RNF182: variants seen among roughly 807,000 people sequenced by gnomAD.
The protein encoded by RNF182 is E3 ubiquitin-protein ligase RNF182.
RNF182 carries 15 observed loss-of-function variants against 14.4 expected under a neutral mutation model. The ratio of observed to expected loss-of-function variants is 1.04; its 90% CI spans 0.70 to 1.60. The LOEUF (loss-of-function observed/expected upper bound fraction) is 1.60. Ranked by LOEUF, RNF182 falls within the 40% of genes most tolerant of loss-of-function variation. The pLI is 0.00. For synonymous variants in RNF182, 128 were observed against 122.9 expected, an observed-to-expected ratio of 1.04 and a Z score of -0.27; for missense variants, 268 against 294.8, an observed-to-expected ratio of 0.91 and a Z score of 0.67.
chr6:13,925,120 C>A, intron 1 of RNF182, 97 bp downstream of exon 1: 1 of 70,048 alleles, frequency 1.4e-5, no homozygotes, highest in South Asian at 3.7e-4. Context: ...TGGACGGCGC[C>A]GGGCCGCCCA....
At chr6:13,937,759 A>G (rs377292669) in intron 1 of RNF182, among the ~76,000 whole-genome samples, 1 of 151,600 alleles carries the variant, frequency 6.6e-6, no homozygotes, top group African/African-American at 2.4e-5. Flanking sequence ...CCAGGTGGTT[A>G]TATCGGCGAC....
At chr6:13,933,999 C>G (rs749365759) in intron 1 of RNF182, among the ~76,000 whole-genome samples, 1 of 151,842 alleles carries the variant, frequency 6.6e-6, no homozygotes, top group Non-Finnish European at 1.5e-5. Flanking sequence ...GCCTGGGCAA[C>G]AGGGGAAGAC....
intron 1 of RNF182, among the ~76,000 whole-genome samples, chr6:13,960,654 A>AGT (rs1321841154): frequency 7.7e-6 from 1 of 130,714 alleles, no homozygotes; most frequent in African/African-American, 2.9e-5. Context: ...AGGGAGAGAG[A>AGT]GAGTGTGTGT....
At chr6:13,946,698 A>G (rs935424159) in intron 1 of RNF182, among the ~76,000 whole-genome samples, 1 of 152,112 alleles carries the variant, frequency 6.6e-6, no homozygotes, top group Non-Finnish European at 1.5e-5. Flanking sequence ...AGATGGAGTC[A>G]CTCTGGTTTG....
chr6:13,927,457 T>G (rs546834780), intron 1 of RNF182, among the ~76,000 whole-genome samples: 10 of 152,204 alleles, frequency 6.6e-5, no homozygotes, highest in Admixed American at 1.3e-4. Flanking sequence ...CTTACGGGTT[T>G]TAATTTTATG....
chr6:13,949,557 A>G, intron 1 of RNF182: 2 of 474,726 alleles, frequency 4.2e-6, no homozygotes, highest in Non-Finnish European at 7.7e-6. Flanking sequence ...AGTAAAACCC[A>G]GAGTGAACTC....
At chr6:13,925,130 A>G (rs1256958605) in intron 1 of RNF182, 107 bp downstream of exon 1, 2 of 75,668 alleles carry the variant, frequency 2.6e-5, no homozygotes, top group African/African-American at 6.0e-5. Flanking sequence ...CGGGCCGCCC[A>G]AGCGCGCCGA....
intron 1 of RNF182, among the ~76,000 whole-genome samples, chr6:13,926,010 A>T (rs1169353347): frequency 6.6e-6 from 1 of 152,196 alleles, no homozygotes; most frequent in Non-Finnish European, 1.5e-5. Flanking sequence ...ATGTAGTAAT[A>T]TGAAAGAAAA....
chr6:13,925,272 C>G (rs1758795339), intron 1 of RNF182: 1 of 151,910 alleles, frequency 6.6e-6, no homozygotes, highest in South Asian at 2.1e-4. Flanking sequence ...CTGCGGAGCG[C>G]CCGCGCGGGC....
At chr6:13,939,792 C>T (rs1421301799) in intron 1 of RNF182, among the ~76,000 whole-genome samples, 1 of 152,188 alleles carries the variant, frequency 6.6e-6, no homozygotes, top group Non-Finnish European at 1.5e-5. Context: ...ATCCACCCGC[C>T]TCAGCCTTCC....
At chr6:13,930,098 G>T (rs1231675488) in intron 1 of RNF182, among the ~76,000 whole-genome samples, 2 of 149,328 alleles carry the variant, frequency 1.3e-5, no homozygotes, top group African/African-American at 4.9e-5. Context: ...TATCAATTAT[G>T]GATTGGAAAT....
At chr6:13,928,480 C>A (rs899924368) in intron 1 of RNF182, among the ~76,000 whole-genome samples, 1 of 151,884 alleles carries the variant, frequency 6.6e-6, no homozygotes, top group Admixed American at 6.6e-5. Flanking sequence ...TTCAGCCTTC[C>A]TTTTTTCAAA....
At chr6:13,944,505 C>T (rs981902330) in intron 1 of RNF182, among the ~76,000 whole-genome samples, 3 of 152,016 alleles carry the variant, frequency 2.0e-5, no homozygotes, top group Non-Finnish European at 4.4e-5. Context: ...CTCAGAGGAG[C>T]CTGACTAAAG....
At chr6:13,972,352 C>T (rs576379075) in intron 1 of RNF182, among the ~76,000 whole-genome samples, 1 of 151,098 alleles carries the variant, frequency 6.6e-6, no homozygotes, top group East Asian at 1.9e-4. Context: ...AAATTTGCAG[C>T]TTGACGATGC....
intron 1 of RNF182, chr6:13,949,121 A>G (rs1759517057): frequency 1.0e-5 from 8 of 769,462 alleles, no homozygotes; most frequent in Non-Finnish European, 1.7e-5. Context: ...TTGCCAGTGC[A>G]GTGAGAGCAG....
At chr6:13,949,278 C>T in intron 1 of RNF182, 3 of 779,962 alleles carry the variant, frequency 3.8e-6, no homozygotes, top group Non-Finnish European at 7.2e-6. Context: ...CCCAGACTTA[C>T]CACATCTGTC....
intron 1 of RNF182, among the ~76,000 whole-genome samples, chr6:13,926,072 A>G (rs141168156): frequency 4.4e-4 from 67 of 152,318 alleles, no homozygotes; most frequent in African/African-American, 1.4e-3. Flanking sequence ...AATTGTATAT[A>G]TGTTAATAAG....
At chr6:13,949,227 G>A in intron 1 of RNF182, 2 of 793,366 alleles carry the variant, frequency 2.5e-6, no homozygotes, top group East Asian at 4.9e-5. Flanking sequence ...TTGTCCACTG[G>A]ACGTTTTAGT....
At chr6:13,928,819 T>C (rs1758896925) in intron 1 of RNF182, among the ~76,000 whole-genome samples, 1 of 149,622 alleles carries the variant, frequency 6.7e-6, no homozygotes, top group South Asian at 2.1e-4. Flanking sequence ...CAATACATAC[T>C]GAGAGTCTGC....
Sources: allele counts gnomAD v4.1 joint callset (sites outside exome capture counted in the v4.1 genomes callset), GRCh38; gene constraint gnomAD v4.1.1; transcripts MANE v1.5; gene names NCBI Gene and HGNC (gene_info 2026-07-23, HGNC 2026-07-21).